The following DUSP16 variants were observed in gnomAD, a reference collection of about 807,000 sequenced individuals.
DUSP16 encodes the protein dual specificity phosphatase 16, also known as dual specificity protein phosphatase 16.
DUSP16 carries 21 observed loss-of-function variants against 58.3 expected under a neutral mutation model. That is an observed-to-expected ratio of 0.36 (90% CI 0.26 to 0.52). DUSP16 has a LOEUF of 0.52. DUSP16 is among the 20% of genes least tolerant of loss of function. DUSP16 has a pLI of 0.94. For missense variants in DUSP16, 726 were observed against 819.0 expected, an observed-to-expected ratio of 0.89 and a Z score of 1.39; for synonymous variants, 320 against 323.8, an observed-to-expected ratio of 0.99 and a Z score of 0.12.
chr12:12,531,954 C>A (rs1343567528), intron 1 of DUSP16, among the ~76,000 whole-genome samples: 1 of 151,732 alleles, frequency 6.6e-6, no homozygotes, highest in African/African-American at 2.4e-5. Context: ...GTCAGGAGAT[C>A]GAGACCATCC....
intron 1 of DUSP16, among the ~76,000 whole-genome samples, chr12:12,527,975 CAGGCCAGCCCAGGCAG>C (rs1443212746): frequency 6.6e-6 from 1 of 152,242 alleles, no homozygotes; most frequent in African/African-American, 2.4e-5. Flanking sequence ...CTTTTAGGCA[CAGGCCAGCCCAGGCAG>C]AGGCCAAATC....
intron 1 of DUSP16, among the ~76,000 whole-genome samples, chr12:12,541,037 C>T (rs1944551620): frequency 6.9e-6 from 1 of 145,660 alleles, no homozygotes; most frequent in African/African-American, 2.6e-5. Flanking sequence ...TGGCTCACTG[C>T]AGCCTCAACC....
chr12:12,552,382 G>T (rs1944741702), intron 1 of DUSP16, among the ~76,000 whole-genome samples: 2 of 152,014 alleles, frequency 1.3e-5, no homozygotes, highest in Non-Finnish European at 1.5e-5. Flanking sequence ...GGAGGCAGAG[G>T]TTGCAGTGAG....
chr12:12,487,775 C>G (rs1943706253), intron 4 of DUSP16, among the ~76,000 whole-genome samples: 1 of 151,506 alleles, frequency 6.6e-6, no homozygotes, highest in Admixed American at 6.6e-5. Context: ...AACATATTCT[C>G]TTTTTCCCTT....
At chr12:12,532,123 AGTCC>A (rs1283524697) in intron 1 of DUSP16, among the ~76,000 whole-genome samples, 1 of 152,128 alleles carries the variant, frequency 6.6e-6, no homozygotes, top group Non-Finnish European at 1.5e-5. Flanking sequence ...GCGCCACTGC[AGTCC>A]GCAGTCCGGC....
chr12:12,505,366 A>G (rs141760670), intron 3 of DUSP16, among the ~76,000 whole-genome samples: 3 of 152,312 alleles, frequency 2.0e-5, no homozygotes, highest in African/African-American at 7.2e-5. Flanking sequence ...CCCCAAAGCT[A>G]TATCGCTCAA....
intron 1 of DUSP16, among the ~76,000 whole-genome samples, chr12:12,538,171 G>A (rs190608543): frequency 3.3e-5 from 5 of 152,294 alleles, no homozygotes; most frequent in African/African-American, 1.2e-4. Context: ...CCTGGCTAAA[G>A]ACATCTATCC....
intron 1 of DUSP16, among the ~76,000 whole-genome samples, chr12:12,541,560 T>C (rs768234354): frequency 1.6e-4 from 24 of 152,344 alleles, no homozygotes; most frequent in Non-Finnish European, 3.1e-4. Flanking sequence ...TCTATGATAG[T>C]TGTAGTTGGA....
chr12:12,483,449 T>C (rs1943615333), intron 5 of DUSP16, among the ~76,000 whole-genome samples: 1 of 152,108 alleles, frequency 6.6e-6, no homozygotes, highest in Admixed American at 6.5e-5. Context: ...AATATCCCTG[T>C]AAGGTAGGTA....
At chr12:12,526,063 C>T (rs926587483) in intron 1 of DUSP16, among the ~76,000 whole-genome samples, 2 of 152,086 alleles carry the variant, frequency 1.3e-5, no homozygotes, top group African/African-American at 4.8e-5. Context: ...CAAAAAACTG[C>T]AAAGTATCCC....
chr12:12,500,398 A>G (rs1943891291), intron 4 of DUSP16, 121 bp downstream of exon 4: 10 of 1,204,440 alleles, frequency 8.3e-6, no homozygotes, highest in Non-Finnish European at 1.1e-5. Context: ...TGGGGAGCAC[A>G]CTGAGAATGG....
chr12:12,543,863 T>C (rs1388305713), intron 1 of DUSP16, among the ~76,000 whole-genome samples: 1 of 151,918 alleles, frequency 6.6e-6, no homozygotes, highest in African/African-American at 2.4e-5. Flanking sequence ...TATTTGTATT[T>C]GTAATACAAA....
rs913367965 is a variant in DUSP16 at position 12,475,827 on chromosome 12, A to C, written c.*1006T>G. ...GCAGTGAAGCAGAAAGGGCAAAAACATCTGCTTTGGCTGAGAATTTGAAGG... is the reference window on the plus strand; with the variant it reads ...GCAGTGAAGCAGAAAGGGCAAAAACCTCTGCTTTGGCTGAGAATTTGAAGG... On this transcript the variant is annotated 3_prime_UTR_variant, in exon 7 of 7. Coordinates refer to ENST00000298573, the MANE Select transcript of DUSP16 (RefSeq NM_030640.3). 1 of 152,242 alleles carries C rather than the reference A, an allele frequency of 6.6e-6. No individual in the cohort carries two copies. 9.4% of individuals were successfully genotyped at this position (152,242 alleles called of 1,614,324 possible).
intron 1 of DUSP16, among the ~76,000 whole-genome samples, chr12:12,558,121 G>C (rs1944837931): frequency 6.6e-6 from 1 of 152,198 alleles, no homozygotes; most frequent in African/African-American, 2.4e-5. Flanking sequence ...ACATGGGCCA[G>C]TGTCCCCAAC....
At position 12,478,018 on chromosome 12, in the gene DUSP16, G is replaced by A; in HGVS notation, c.816-3C>T. 14 of 1,558,350 alleles carry A rather than the reference G, an allele frequency of 9.0e-6. No homozygotes were observed. Among genetic ancestry groups the A allele is most frequent in the Non-Finnish European group, 1.1e-5 (13 of 1,153,742 alleles). ...TAGGTCTTTTTTCTTTCACAAATCT[G>A]CAGAGAGAGGAAAAAACAAAAACCC... On this transcript the variant is annotated splice_polypyrimidine_tract_variant and splice_region_variant and intron_variant, in intron 6 of 6. Transcript: ENST00000298573.
intron 6 of DUSP16, 73 bp downstream of exon 6, chr12:12,480,150 A>G (rs1369796413): frequency 3.8e-6 from 6 of 1,559,312 alleles, no homozygotes; most frequent in Middle Eastern, 1.7e-4. Flanking sequence ...TAATTTGGTT[A>G]CCCATCCTCA....
chr12:12,558,740 T>C (rs898845065), intron 1 of DUSP16, among the ~76,000 whole-genome samples: 3 of 152,166 alleles, frequency 2.0e-5, no homozygotes, highest in Non-Finnish European at 4.4e-5. Flanking sequence ...TAATGATGTT[T>C]CTAACCCCAG....
At position 12,562,700 on chromosome 12, in the gene DUSP16, C is replaced by T. The variant is rs1397982985; in HGVS notation, c.-949G>A. On this transcript the variant is annotated 5_prime_UTR_variant, in exon 1 of 7. Transcript: ENST00000298573. ...TCCCAGTGAATGAACTCAGCGGAGC[C>T]CCGGGGAAAGGAGGAGACAGGCGAG... Among the ~76,000 whole-genome samples the T allele has an allele frequency of 6.6e-6, 1 of 151,754 alleles. No homozygotes were observed. Among genetic ancestry groups the T allele is most frequent in the Non-Finnish European group, 1.5e-5 (1 of 67,804 alleles).
chr12:12,477,170 G>A lies in DUSP16; in HGVS notation c.1661C>T (p.Thr554Ile). The change falls in exon 7 of 7, where the codon ACC becomes ATC. Residue 554 changes from threonine (T) to isoleucine (I), a missense_variant. Thr to Ile is a moderately conservative substitution (Grantham distance 89, BLOSUM62 -1). Coordinates refer to ENST00000298573, the MANE Select transcript of DUSP16 (RefSeq NM_030640.3). This position sits in a 1 kb window ranked among gnomAD's most constrained non-coding sequence, Gnocchi z 4.1. Reference protein sequence around the residue: ...LAPQTSTPSLTSSWYFATESS... With the variant: ...LAPQTSTPSLISSWYFATESS... ...CTCTGTGGCAAAATACCAGCTGCTG[G>A]TCAGGGAAGGGGTAGAGGTCTGGGG... The A allele has an allele frequency of 6.2e-7, 1 of 1,614,216 alleles. No individual in the cohort carries two copies. The highest frequency in any genetic ancestry group is 8.5e-7 in the Non-Finnish European group (1 of 1,180,034).
Sources: gnomAD v4.1 joint callset for allele counts (sites outside exome capture counted in the v4.1 genomes callset) on GRCh38, gnomAD v4.1.1 for gene constraint, Gnocchi (gnomAD v3.1) non-coding constraint, MANE v1.5 for transcripts, NCBI Gene and HGNC (gene_info 2026-07-23, HGNC 2026-07-21) for gene names.